The following ANKS1B variants were observed in gnomAD, a reference collection of about 807,000 sequenced individuals.
ANKS1B encodes ankyrin repeat and sterile alpha motif domain containing 1B, also known as ankyrin repeat and sterile alpha motif domain-containing protein 1B.
A neutral mutation model predicts 148.3 loss-of-function variants in ANKS1B; 36 were observed. That is an observed-to-expected ratio of 0.24 (90% confidence interval 0.19 to 0.32). The LOEUF (loss-of-function observed/expected upper bound fraction) is 0.32. Among genes scored for constraint, ANKS1B ranks in the 10% least tolerant of loss-of-function variants. The probability of loss-of-function intolerance (pLI) is 1.00; values close to 1 mark genes in which losing one functional copy is unlikely to be tolerated. For synonymous variants in ANKS1B, 542 were observed against 560.8 expected, an observed-to-expected ratio of 0.97 and a Z score of 0.47; for missense variants, 1,157 against 1,542.6, an observed-to-expected ratio of 0.75 and a Z score of 4.19.
At position 99,098,619 on chromosome 12, in the gene ANKS1B, C is replaced by CTTTT. The variant is rs71081896; in HGVS notation, c.2527-13600_2527-13597dup. The stretch of plus-strand genomic sequence containing the variant: ...AATAAAGCATGCCTGCTAGGAACTA[C>CTTTT]TTTTTTTTTTTTTTTTTTTTTTTTT... On this transcript the variant is annotated intron_variant, in intron 15 of 26. Transcript: ENST00000683438. Among the ~76,000 whole-genome samples, 194 of 32,120 alleles carry CTTTT rather than the reference C, an allele frequency of 6.0e-3. 44 individuals are homozygous for CTTTT. Among genetic ancestry groups the CTTTT allele is most frequent in the South Asian group, 7.6e-3 (5 of 658 alleles). 21.1% of individuals were successfully genotyped at this position (32,120 alleles called of 152,430 possible). A position where few individuals can be genotyped will look rare whatever the true frequency, so the allele number is the denominator to read the frequency against.
At chr12:99,893,437 C>T (rs1427835961) in intron 1 of ANKS1B, among the ~76,000 whole-genome samples, 1 of 149,502 alleles carries the variant, frequency 6.7e-6, no homozygotes, top group Non-Finnish European at 1.5e-5. Context: ...AAATTGAGAA[C>T]TACAGAAAAA....
At chr12:99,058,330 G>A (rs910820689) in intron 16 of ANKS1B, among the ~76,000 whole-genome samples, 10 of 147,480 alleles carry the variant, frequency 6.8e-5, no homozygotes, top group Non-Finnish European at 1.5e-4. Context: ...TGCAGCCTCC[G>A]CCTCCTAGGT....
Position 99,412,189 on chromosome 12 carries a change from T to G in ANKS1B, c.1576-12378A>C, listed in dbSNP as rs182281541. On this transcript the variant is annotated intron_variant, in intron 11 of 26. Coordinates refer to ENST00000683438, the MANE Select transcript of ANKS1B (RefSeq NM_001352186.2). ...GAGTCTTTTTCTGGCATTAAGTCAG[T>G]TTTCTTAAAGGTTCCTTACTTTGTT... 1.9e-3 allele frequency among the ~76,000 whole-genome samples: 292 copies of G among 152,306 alleles called. 2 individuals are homozygous for G. The highest frequency in any genetic ancestry group is 2.6e-3 in the Non-Finnish European group (178 of 68,022).
intron 1 of ANKS1B, among the ~76,000 whole-genome samples, chr12:99,845,019 A>C (rs897452857): frequency 2.0e-5 from 3 of 152,064 alleles, no homozygotes; most frequent in Admixed American, 6.6e-5. Context: ...TTCATTCATA[A>C]TTTGGCTCTC....
intron 12 of ANKS1B, among the ~76,000 whole-genome samples, chr12:99,369,898 T>C (rs2152464579): frequency 7.0e-6 from 1 of 142,672 alleles, no homozygotes; most frequent in East Asian, 2.1e-4. Flanking sequence ...ATAGATAAAA[T>C]ATGGCAAATG....
chr12:98,767,689 G>T (rs927353885), intron 25 of ANKS1B, among the ~76,000 whole-genome samples: 2 of 152,238 alleles, frequency 1.3e-5, no homozygotes, highest in African/African-American at 4.8e-5. Flanking sequence ...GCTCTTCTCA[G>T]ATATTTGATA....
chr12:99,641,819 C>G (rs952518065), intron 9 of ANKS1B, among the ~76,000 whole-genome samples: 3 of 152,134 alleles, frequency 2.0e-5, no homozygotes, highest in Admixed American at 6.5e-5. Context: ...ACAGTAGACA[C>G]TATACACCCT....
At chr12:99,120,072 C>T (rs190919733) in intron 15 of ANKS1B, among the ~76,000 whole-genome samples, 72 of 152,324 alleles carry the variant, frequency 4.7e-4, no homozygotes, top group African/African-American at 1.7e-3. Context: ...CTCAGGGCAC[C>T]AGGTGGGAAC....
At chr12:98,916,754 C>G (rs1323972429) in intron 17 of ANKS1B, among the ~76,000 whole-genome samples, 1 of 152,066 alleles carries the variant, frequency 6.6e-6, no homozygotes, top group African/African-American at 2.4e-5. Context: ...CCTCTCTGAC[C>G]CTTAGTTTAG....
At chr12:98,993,360 G>A (rs187903252) in intron 17 of ANKS1B, among the ~76,000 whole-genome samples, 13 of 152,200 alleles carry the variant, frequency 8.5e-5, no homozygotes, top group African/African-American at 2.9e-4. Flanking sequence ...GTAGTGATGG[G>A]GTTTCGCTAT....
chr12:99,556,895 G>A (rs555124537), intron 9 of ANKS1B, among the ~76,000 whole-genome samples: 1 of 152,298 alleles, frequency 6.6e-6, no homozygotes, highest in Non-Finnish European at 1.5e-5. Flanking sequence ...TGCGCCATGT[G>A]CAGATCAGAA....
intron 15 of ANKS1B, among the ~76,000 whole-genome samples, chr12:99,139,090 C>A (rs1490629348): frequency 6.7e-6 from 1 of 150,328 alleles, no homozygotes; most frequent in Non-Finnish European, 1.5e-5. Context: ...AAGCCTTGAA[C>A]TCTTGAGCTT....
At chr12:99,903,815 A>G (rs1003884614) in intron 1 of ANKS1B, among the ~76,000 whole-genome samples, 6 of 152,156 alleles carry the variant, frequency 3.9e-5, no homozygotes, top group Admixed American at 3.9e-4. Flanking sequence ...TGGGTGCACC[A>G]AAACCTCACA....
chr12:99,717,642 C>G (rs1329685256), intron 8 of ANKS1B, among the ~76,000 whole-genome samples: 1 of 152,230 alleles, frequency 6.6e-6, no homozygotes, highest in African/African-American at 2.4e-5. Context: ...CCCAGATCTT[C>G]TCGGCTTAGT....
At position 99,144,730 on chromosome 12, in the gene ANKS1B, A is replaced by C. The variant is rs117795621; in HGVS notation, c.2526+9559T>G. Among the ~76,000 whole-genome samples, 608 of 152,146 alleles carry C rather than the reference A, an allele frequency of 4.0e-3. 23 individuals carry two copies. In the East Asian group the frequency reaches 0.083, roughly 21 times the overall value. On this transcript the variant is annotated intron_variant, in intron 15 of 26. Coordinates refer to ENST00000683438, the MANE Select transcript of ANKS1B (RefSeq NM_001352186.2). ...GATAGGGTCTTTACAGACATAATCA[A>C]GTTAAAATGAGGTCATTAGGGTGGG... is the stretch of plus-strand genomic sequence containing the variant.
chr12:98,978,969 C>T (rs1371947133), intron 17 of ANKS1B, among the ~76,000 whole-genome samples: 1 of 151,768 alleles, frequency 6.6e-6, no homozygotes, highest in Non-Finnish European at 1.5e-5. Context: ...CGGTGAAACC[C>T]ATCTCTACTA....
intron 1 of ANKS1B, among the ~76,000 whole-genome samples, chr12:99,884,449 A>G (rs2092714978): frequency 6.6e-6 from 1 of 152,242 alleles, no homozygotes; most frequent in Non-Finnish European, 1.5e-5. Flanking sequence ...GCACCTGTAC[A>G]TGAATATTTA....
chr12:99,691,095 C>T (rs758362230), intron 8 of ANKS1B, among the ~76,000 whole-genome samples: 13 of 152,240 alleles, frequency 8.5e-5, no homozygotes, highest in Admixed American at 7.2e-4. Flanking sequence ...AAGCAATGGA[C>T]CAAGCTGTAC....
At chr12:99,790,881 G>T (rs1481443359) in intron 4 of ANKS1B, among the ~76,000 whole-genome samples, 1 of 151,754 alleles carries the variant, frequency 6.6e-6, no homozygotes, top group African/African-American at 2.4e-5. Context: ...AAAAAAGAGA[G>T]CGAGAGAAAA....
Sources: allele counts gnomAD v4.1 joint callset (sites outside exome capture counted in the v4.1 genomes callset), GRCh38; gene constraint gnomAD v4.1.1; transcripts MANE v1.5; gene names NCBI Gene and HGNC (gene_info 2026-07-23, HGNC 2026-07-21).